DGKB: variants seen among roughly 807,000 people sequenced by gnomAD.
DGKB encodes 90 kDa diacylglycerol kinase.
DGKB carries 67 observed loss-of-function variants against 114.3 expected under a neutral mutation model. That is an observed-to-expected ratio of 0.59 (90% confidence interval 0.48 to 0.72). DGKB has a LOEUF of 0.72. DGKB is among the 30% of genes least tolerant of loss of function. DGKB has a pLI of 0.00. For missense variants in DGKB, 907 were observed against 975.2 expected, an observed-to-expected ratio of 0.93 and a Z score of 0.93; for synonymous variants, 398 against 323.1, an observed-to-expected ratio of 1.23 and a Z score of -2.49.
chr7:14,567,469 A>T (rs1440445090), intron 20 of DGKB, among the ~76,000 whole-genome samples: 4 of 72,840 alleles, frequency 5.5e-5, no homozygotes, highest in South Asian at 3.4e-4. Context: ...TTATATATTT[A>T]TATATTATAT....
chr7:14,642,460 G>C (rs556589231), intron 13 of DGKB, among the ~76,000 whole-genome samples: 7 of 152,096 alleles, frequency 4.6e-5, no homozygotes, highest in Non-Finnish European at 1.0e-4. Flanking sequence ...ATTGGCAGTT[G>C]ATAGAAAAGT....
chr7:14,631,096 C>T (rs552174308), intron 13 of DGKB, among the ~76,000 whole-genome samples: 6 of 151,280 alleles, frequency 4.0e-5, no homozygotes, highest in African/African-American at 1.5e-4. Flanking sequence ...ATATTTGTGT[C>T]CCTGAAAAGA....
intron 23 of DGKB, among the ~76,000 whole-genome samples, chr7:14,265,008 G>A (rs1351970908): frequency 2.0e-5 from 3 of 152,074 alleles, no homozygotes; most frequent in Non-Finnish European, 2.9e-5. Context: ...GATGGACACT[G>A]GCAGAATCTG....
chr7:14,939,454 T>A (rs1183215528), intron 1 of DGKB, among the ~76,000 whole-genome samples: 2 of 152,046 alleles, frequency 1.3e-5, no homozygotes, highest in African/African-American at 4.8e-5. Flanking sequence ...ATCACTTAGG[T>A]GGCATCTTGA....
chr7:14,221,804 T>C lies in DGKB; in HGVS notation c.2123-43653A>G, dbSNP rs115514750. On this transcript the variant is annotated intron_variant, in intron 23 of 25. Coordinates refer to ENST00000402815, the MANE Select transcript of DGKB (RefSeq NM_001350709.2). ...AGCCATCTGGGTCTTTGCTTTTCTT[T>C]GTGGGTAGATTTTGATTACTACTCT... Among the ~76,000 whole-genome samples, 253 of 151,498 alleles carry C rather than the reference T, an allele frequency of 1.7e-3. 3 individuals are homozygous for C. Among genetic ancestry groups the C allele is most frequent in the African/African-American group, 5.9e-3 (244 of 41,504 alleles).
chr7:14,877,801 C>T (rs904775113), intron 1 of DGKB, among the ~76,000 whole-genome samples: 3 of 152,112 alleles, frequency 2.0e-5, no homozygotes, highest in Non-Finnish European at 2.9e-5. Context: ...TGCTAAGTTC[C>T]ACAAACAATA....
Position 14,259,403 on chromosome 7 carries a change from CTCTCTATATA to C in DGKB, c.2122+79102_2122+79111del, listed in dbSNP as rs1343400299. Among the ~76,000 whole-genome samples the C allele has an allele frequency of 5.9e-4, 65 of 110,388 alleles. 1 individual carries two copies. The highest frequency in any genetic ancestry group is 4.3e-3 in the East Asian group (20 of 4,600). 72.4% of individuals were successfully genotyped at this position (110,388 alleles called of 152,430 possible). On this transcript the variant is annotated intron_variant, in intron 23 of 25. Coordinates refer to ENST00000402815, the MANE Select transcript of DGKB (RefSeq NM_001350709.2). ...TTTCTCTCTCTCTCTCTCTCTCTCT[CTCTCTATATA>C]TATATATATATATATGGTTTTGTTT...
intron 21 of DGKB, among the ~76,000 whole-genome samples, chr7:14,386,864 A>G (rs1179131462): frequency 1.3e-5 from 2 of 152,154 alleles, no homozygotes; most frequent in Non-Finnish European, 2.9e-5. Flanking sequence ...AGTAATTTTT[A>G]AGTTTATTCT....
intron 21 of DGKB, among the ~76,000 whole-genome samples, chr7:14,445,457 C>T (rs973898170): frequency 1.3e-5 from 2 of 151,884 alleles, no homozygotes; most frequent in Non-Finnish European, 2.9e-5. Flanking sequence ...TATTTGTCAG[C>T]CATGTTTCTT....
intron 25 of DGKB, among the ~76,000 whole-genome samples, chr7:14,150,270 AT>A (rs1781998165): frequency 6.6e-6 from 1 of 152,114 alleles, no homozygotes; most frequent in African/African-American, 2.4e-5. Context: ...AGAGATGAGT[AT>A]TTCTTTCAAA....
At chr7:14,593,779 T>C (rs1802076345) in intron 17 of DGKB, among the ~76,000 whole-genome samples, 1 of 150,202 alleles carries the variant, frequency 6.7e-6, no homozygotes, top group Non-Finnish European at 1.5e-5. Flanking sequence ...TCACTTGTGC[T>C]AAGTGCCATG....
At chr7:14,152,201 C>T (rs1782314609) in intron 25 of DGKB, among the ~76,000 whole-genome samples, 1 of 152,004 alleles carries the variant, frequency 6.6e-6, no homozygotes, top group Non-Finnish European at 1.5e-5. Context: ...TAAGTTTCAG[C>T]AATCTGAGGA....
At chr7:14,332,689 A>T (rs190045313) in intron 23 of DGKB, among the ~76,000 whole-genome samples, 7 of 152,296 alleles carry the variant, frequency 4.6e-5, no homozygotes, top group Admixed American at 4.6e-4. Context: ...GTAAATATAA[A>T]ACCATTAAAC....
At chr7:14,613,920 C>A (rs1806056179) in intron 15 of DGKB, among the ~76,000 whole-genome samples, 1 of 151,466 alleles carries the variant, frequency 6.6e-6, no homozygotes, top group Non-Finnish European at 1.5e-5. Flanking sequence ...TTTGAGGTCC[C>A]TTTTGGCCTA....
intron 21 of DGKB, among the ~76,000 whole-genome samples, chr7:14,457,928 G>T (rs1244966138): frequency 1.3e-5 from 2 of 152,216 alleles, no homozygotes; most frequent in East Asian, 3.8e-4. Flanking sequence ...TCAAAACAAT[G>T]ACTTTGCCAG....
At chr7:14,746,559 C>G (rs766572946) in intron 4 of DGKB, among the ~76,000 whole-genome samples, 1 of 152,038 alleles carries the variant, frequency 6.6e-6, no homozygotes, top group South Asian at 2.1e-4. Flanking sequence ...AGTGCAATGG[C>G]GTGATCTTGG....
intron 13 of DGKB, among the ~76,000 whole-genome samples, chr7:14,660,605 CTCT>C (rs1393483526): frequency 6.6e-6 from 1 of 151,954 alleles, no homozygotes; most frequent in Admixed American, 6.6e-5. Context: ...TGATTCTTCT[CTCT>C]TTTTTTCTTT....
At chr7:14,676,777 G>T (rs1819934654) in intron 12 of DGKB, among the ~76,000 whole-genome samples, 1 of 151,802 alleles carries the variant, frequency 6.6e-6, no homozygotes. Flanking sequence ...TCCTCATCAA[G>T]AATAGAAATG....
At chr7:14,208,395 A>G (rs924384281) in intron 23 of DGKB, among the ~76,000 whole-genome samples, 1 of 152,070 alleles carries the variant, frequency 6.6e-6, no homozygotes, top group Admixed American at 6.6e-5. Flanking sequence ...AGTCTAGGAT[A>G]AAGAAGTATA....
Sources: gnomAD v4.1 joint callset for allele counts (sites outside exome capture counted in the v4.1 genomes callset) on GRCh38, gnomAD v4.1.1 for gene constraint, MANE v1.5 for transcripts, NCBI Gene and HGNC (gene_info 2026-07-23, HGNC 2026-07-21) for gene names.